Variants in SLC39A12 observed in about 807,000 individuals in gnomAD.
SLC39A12 encodes the protein solute carrier family 39 member 12.
A neutral mutation model predicts 71.1 loss-of-function variants in SLC39A12; 63 were observed. That is an observed-to-expected ratio of 0.89 (90% CI 0.72 to 1.09). The LOEUF (loss-of-function observed/expected upper bound fraction) is 1.09, where lower values mean the gene tolerates loss of function less well. Ranked by LOEUF, SLC39A12 falls within the 50% of genes least tolerant of loss-of-function variation. The pLI is 0.00. For missense variants in SLC39A12, 892 were observed against 812.6 expected (o/e 1.10, Z -1.19); for synonymous variants, 351 against 301.3 (o/e 1.16, Z -1.71).
intron 3 of SLC39A12, among the ~76,000 whole-genome samples, chr10:17,962,371 T>C (rs1327077516): frequency 6.6e-6 from 1 of 152,236 alleles, no homozygotes; most frequent in African/African-American, 2.4e-5. Flanking sequence ...TGAATTGTGC[T>C]GCCTGTGTAG....
intron 10 of SLC39A12, 86 bp downstream of exon 10, chr10:17,995,808 A>T: frequency 5.0e-6 from 6 of 1,207,250 alleles, no homozygotes; most frequent in Non-Finnish European, 5.9e-6. Context: ...AAAACTATAT[A>T]GATATCATAT....
At chr10:18,007,107 A>G (rs751185709) in intron 12 of SLC39A12, 13 of 152,310 alleles carry the variant, frequency 8.5e-5, no homozygotes, top group Non-Finnish European at 1.0e-4. Context: ...ATAGAAAACA[A>G]TAAGTGGAAG....
chr10:18,040,616 A>G (rs956395922), intron 12 of SLC39A12, among the ~76,000 whole-genome samples: 3 of 151,972 alleles, frequency 2.0e-5, no homozygotes, highest in African/African-American at 4.8e-5. Flanking sequence ...CTAAAAATAC[A>G]AAATTAGCCA....
At chr10:17,997,562 G>A (rs1416502810) in intron 10 of SLC39A12, among the ~76,000 whole-genome samples, 2 of 152,144 alleles carry the variant, frequency 1.3e-5, no homozygotes, top group Non-Finnish European at 2.9e-5. Flanking sequence ...GAAAGAGGAT[G>A]CTAGATTAGG....
intron 6 of SLC39A12, among the ~76,000 whole-genome samples, 192 bp from the exon 7 acceptor site, chr10:17,987,287 A>G (rs1276644936): frequency 1.3e-5 from 2 of 152,198 alleles, no homozygotes; most frequent in Admixed American, 1.3e-4. Flanking sequence ...GAGAGCTATG[A>G]TAGTGCCACT....
chr10:18,020,893 G>C (rs1283090122), intron 12 of SLC39A12, among the ~76,000 whole-genome samples: 1 of 152,046 alleles, frequency 6.6e-6, no homozygotes, highest in Non-Finnish European at 1.5e-5. Context: ...TGGATAGTTT[G>C]CAAATATTTT....
intron 10 of SLC39A12, among the ~76,000 whole-genome samples, chr10:17,998,421 G>C (rs1835745202): frequency 6.6e-6 from 1 of 151,986 alleles, no homozygotes; most frequent in Non-Finnish European, 1.5e-5. Context: ...ATCACTTTAA[G>C]TTTTTTTAAA....
chr10:17,975,475 G>A (rs542190321), intron 4 of SLC39A12, among the ~76,000 whole-genome samples: 27 of 152,278 alleles, frequency 1.8e-4, no homozygotes, highest in Middle Eastern at 3.4e-3. Flanking sequence ...TGAGAGCTAG[G>A]ACCTGGAAAC....
chr10:17,987,557 G>C lies in SLC39A12; in HGVS notation c.1175G>C (p.Ser392Thr), dbSNP rs1313018541. ...MLGTALVLFH[S>T]CEENYRLILQ... Reference sequence around the variant, plus strand: ...GGGACAGCGCTGGTCCTTTTCCATAGCTGTGAGGAGAACTACAGGCTTATC... The same window carrying C: ...GGGACAGCGCTGGTCCTTTTCCATACCTGTGAGGAGAACTACAGGCTTATC... Residue 392 changes from serine (S) to threonine (T), a missense_variant, in exon 7 of 13, where the codon AGC (serine) becomes ACC (threonine). Transcript: ENST00000377369. The C allele has an allele frequency of 6.2e-7, 1 of 1,613,994 alleles. No individual in the cohort carries two copies. The highest frequency in any genetic ancestry group is 8.5e-7 in the Non-Finnish European group (1 of 1,180,030).
At chr10:18,029,162 T>C (rs764788244) in intron 12 of SLC39A12, among the ~76,000 whole-genome samples, 1 of 152,122 alleles carries the variant, frequency 6.6e-6, no homozygotes, top group Non-Finnish European at 1.5e-5. Context: ...TGAGCCACCG[T>C]GCCCAGCCCA....
chr10:18,029,038 T>TTA (rs1836762034), intron 12 of SLC39A12, among the ~76,000 whole-genome samples: 1 of 150,250 alleles, frequency 6.7e-6, no homozygotes. Context: ...TTTTTTTTTT[T>TTA]AATTTTTGTT....
chr10:18,014,898 A>G (rs1297873907), intron 12 of SLC39A12, among the ~76,000 whole-genome samples: 1 of 152,172 alleles, frequency 6.6e-6, no homozygotes, highest in East Asian at 1.9e-4. Flanking sequence ...GGGACAACCT[A>G]TGTATGGTTT....
intron 2 of SLC39A12, among the ~76,000 whole-genome samples, chr10:17,954,152 A>T (rs1016385220): frequency 6.6e-6 from 1 of 152,196 alleles, no homozygotes; most frequent in African/African-American, 2.4e-5. Context: ...AATCAGCTGC[A>T]TAGGTTTCCC....
intron 3 of SLC39A12, among the ~76,000 whole-genome samples, chr10:17,963,847 G>C (rs1019864664): frequency 6.6e-6 from 1 of 152,162 alleles, no homozygotes; most frequent in Non-Finnish European, 1.5e-5. Context: ...GCCTCAACAA[G>C]ATCCCCAAGA....
intron 10 of SLC39A12, among the ~76,000 whole-genome samples, chr10:17,996,127 A>G (rs1835677226): frequency 6.6e-6 from 1 of 152,208 alleles, no homozygotes; most frequent in Non-Finnish European, 1.5e-5. Context: ...TTCATCACAA[A>G]TGCGTCTTAT....
intron 12 of SLC39A12, among the ~76,000 whole-genome samples, chr10:18,035,700 T>C (rs1309816784): frequency 1.3e-5 from 2 of 152,268 alleles, no homozygotes; most frequent in South Asian, 4.1e-4. Flanking sequence ...AGGAACTGCG[T>C]TCCGCTGGAG....
At chr10:18,027,477 G>A (rs58762503) in intron 12 of SLC39A12, among the ~76,000 whole-genome samples, 41 of 152,214 alleles carry the variant, frequency 2.7e-4, no homozygotes, top group African/African-American at 9.4e-4. Flanking sequence ...AGTGTTCACT[G>A]TGAGAACCCG....
rs2130825823 is a variant in SLC39A12 at position 17,991,321 on chromosome 10, A to G, written c.1422+18A>G. 3 of 1,554,578 alleles carry G rather than the reference A, an allele frequency of 1.9e-6. No homozygotes were observed. Among genetic ancestry groups the G allele is most frequent in the Middle Eastern group, 2.1e-4 (1 of 4,750 alleles). ...ATGACAAGGTATATTTTTAAGTTTT[A>G]TTTGTCTTGTGCTTTAAAGTCTTAT... On this transcript the variant is annotated intron_variant, in intron 8 of 12. Transcript: ENST00000377369.
intron 9 of SLC39A12, among the ~76,000 whole-genome samples, chr10:17,994,519 C>T (rs756951922): frequency 7.9e-5 from 12 of 151,960 alleles, no homozygotes. Context: ...TTTTGAAAAA[C>T]AAGACAAAAC....
Sources: allele counts gnomAD v4.1 joint callset (sites outside exome capture counted in the v4.1 genomes callset), GRCh38; gene constraint gnomAD v4.1.1; transcripts MANE v1.5; gene names NCBI Gene and HGNC (gene_info 2026-07-23, HGNC 2026-07-21).